TK2: variants seen among roughly 807,000 people sequenced by gnomAD.
TK2 encodes thymidine kinase 2, also known as thymidine kinase 2, mitochondrial.
TK2 carries 35 observed loss-of-function variants against 41.9 expected under a neutral mutation model. The ratio of observed to expected loss-of-function variants is 0.84; its 90% confidence interval spans 0.64 to 1.11. The LOEUF (loss-of-function observed/expected upper bound fraction) is 1.11. Ranked by LOEUF, TK2 falls within the 50% of genes least tolerant of loss-of-function variation. The probability of loss-of-function intolerance (pLI) is 0.00; values close to 1 mark genes in which losing one functional copy is unlikely to be tolerated. For synonymous variants in TK2, 128 were observed against 129.1 expected (o/e 0.99, Z 0.06); for missense variants, 320 against 351.1 (o/e 0.91, Z 0.71).
chr16:66,550,184 G>T (rs1456076257), upstream of TK2: 25 of 1,612,186 alleles, frequency 1.6e-5, no homozygotes, highest in Non-Finnish European at 2.1e-5. Context: ...AGACCCGGTC[G>T]CATTTCATCT....
At chr16:66,531,283 G>T in intron 5 of TK2, 97 bp downstream of exon 5, 1 of 1,232,056 alleles carries the variant, frequency 8.1e-7, no homozygotes, top group Non-Finnish European at 1.2e-6. Flanking sequence ...TGAAGGCCTA[G>T]CCTGGCTTCC....
In TK2 at chr16:66,508,162, A is replaced by G. The variant is rs914078149; in HGVS notation, c.*3806T>C. The G allele has an allele frequency of 1.5e-4, 23 of 152,278 alleles. No homozygotes were observed. The highest frequency in any genetic ancestry group is 5.3e-4 in the African/African-American group (22 of 41,480). 9.4% of individuals were successfully genotyped at this position (152,278 alleles called of 1,614,324 possible). On this transcript the variant is annotated 3_prime_UTR_variant, in exon 10 of 10. Coordinates refer to ENST00000544898, the MANE Select transcript of TK2 (RefSeq NM_004614.5). ...AGAAAAAAAAAGAAAAGACACAGAA[A>G]GAAATTCAAGACAGCTTCTGTGGAC...
chr16:66,525,921 A>G (rs918363166), intron 6 of TK2, among the ~76,000 whole-genome samples: 2 of 152,234 alleles, frequency 1.3e-5, no homozygotes, highest in African/African-American at 4.8e-5. Context: ...AGCTAAAAAA[A>G]TTAAAAGCTA....
intron 9 of TK2, among the ~76,000 whole-genome samples, chr16:66,513,165 G>A (rs767317788): frequency 4.6e-5 from 7 of 152,164 alleles, no homozygotes; most frequent in Non-Finnish European, 1.0e-4. Flanking sequence ...AATGCTGACG[G>A]GACAGACACA....
intron 3 of TK2, among the ~76,000 whole-genome samples, chr16:66,537,370 C>G (rs1965318770): frequency 1.3e-5 from 2 of 152,248 alleles, no homozygotes; most frequent in South Asian, 4.1e-4. Context: ...CCCTGCCTGC[C>G]TACCACATCA....
At chr16:66,547,237 C>G (rs75640506) in intron 2 of TK2, among the ~76,000 whole-genome samples, 10,256 of 152,182 alleles carry the variant, frequency 0.067, 495 homozygotes, top group South Asian at 0.16. Flanking sequence ...CTGGGCCCTG[C>G]TTTCCCACTC....
chr16:66,539,069 C>G (rs546376568), intron 3 of TK2, among the ~76,000 whole-genome samples: 72 of 152,276 alleles, frequency 4.7e-4, no homozygotes, highest in Non-Finnish European at 8.5e-4. Flanking sequence ...CAGTGTTGGG[C>G]AAATAGCAGT....
intron 4 of TK2, among the ~76,000 whole-genome samples, chr16:66,533,685 G>A (rs1965188358): frequency 2.0e-5 from 3 of 152,050 alleles, no homozygotes; most frequent in African/African-American, 4.8e-5. Context: ...CCCCCATGTG[G>A]CAGTATGTAG....
At chr16:66,546,652 T>C (rs1965617160) in intron 2 of TK2, 1 of 152,114 alleles carries the variant, frequency 6.6e-6, no homozygotes, top group Non-Finnish European at 1.5e-5. Flanking sequence ...AGTGAGTGCC[T>C]TCCCAGGTCA....
chr16:66,524,373 T>C (rs945224759), intron 6 of TK2, among the ~76,000 whole-genome samples: 4 of 152,120 alleles, frequency 2.6e-5, no homozygotes, highest in Non-Finnish European at 5.9e-5. Flanking sequence ...TCCCACTGTG[T>C]CACTTGGGCT....
At chr16:66,549,498 C>T in intron 1 of TK2, 1 of 1,037,086 alleles carries the variant, frequency 9.6e-7, no homozygotes, top group Non-Finnish European at 1.2e-6. Flanking sequence ...GTAACAGTGA[C>T]CCGTTTCTGT....
At chr16:66,531,240 C>T in intron 5 of TK2, 140 bp downstream of exon 5, 1 of 833,418 alleles carries the variant, frequency 1.2e-6, no homozygotes, top group East Asian at 2.7e-5. Context: ...AAGCCAGAGA[C>T]CTTGGCCCCA....
intron 4 of TK2, among the ~76,000 whole-genome samples, chr16:66,534,906 C>T (rs928609432): frequency 6.6e-6 from 1 of 152,180 alleles, no homozygotes; most frequent in African/African-American, 2.4e-5. Context: ...TTGTCTCAAA[C>T]TCCTGGCTTT....
intron 6 of TK2, among the ~76,000 whole-genome samples, chr16:66,526,891 C>T (rs1031286691): frequency 6.6e-6 from 1 of 152,206 alleles, no homozygotes; most frequent in Non-Finnish European, 1.5e-5. Flanking sequence ...CCTCAGGCTA[C>T]AGTTCTTTTT....
At chr16:66,548,939 C>T (rs1965692270) in intron 2 of TK2, 39 bp downstream of exon 2, 1 of 1,598,960 alleles carries the variant, frequency 6.3e-7, no homozygotes, top group Non-Finnish European at 8.6e-7. Flanking sequence ...TTCAAAAAAC[C>T]AAATTATCCT....
intron 8 of TK2, among the ~76,000 whole-genome samples, chr16:66,515,079 T>A (rs1964571675): frequency 1.3e-5 from 2 of 151,888 alleles, no homozygotes; most frequent in Admixed American, 1.3e-4. Context: ...TTTGTTCACA[T>A]GTTTATCTGC....
intron 5 of TK2, among the ~76,000 whole-genome samples, chr16:66,530,611 T>A (rs953709533): frequency 6.6e-6 from 1 of 152,162 alleles, no homozygotes; most frequent in Non-Finnish European, 1.5e-5. Context: ...AAACAAAGCA[T>A]GCATTCGAGT....
At chr16:66,544,307 A>C (rs1041604565) in intron 2 of TK2, among the ~76,000 whole-genome samples, 4 of 152,226 alleles carry the variant, frequency 2.6e-5, no homozygotes, top group Non-Finnish European at 5.9e-5. Flanking sequence ...ATGTCTAAAA[A>C]TATTATAAGA....
chr16:66,550,120 A>G lies in TK2; in HGVS notation c.-59T>C. Reference sequence around the variant, plus strand: ...CTTCTTGTGCGAGTCGGCGCGGACGACTGCTAGTCCAGCCGTTGGGCGCCG... The same window carrying G: ...CTTCTTGTGCGAGTCGGCGCGGACGGCTGCTAGTCCAGCCGTTGGGCGCCG... On this transcript the variant is annotated 5_prime_UTR_variant, in exon 1 of 10. Coordinates refer to ENST00000544898, the MANE Select transcript of TK2 (RefSeq NM_004614.5). 6.2e-7 allele frequency: 1 copy of G among 1,611,504 alleles called. No homozygotes were observed. The highest frequency in any genetic ancestry group is 1.1e-5 in the South Asian group (1 of 90,736).
Sources: gnomAD v4.1 joint callset for allele counts (sites outside exome capture counted in the v4.1 genomes callset) on GRCh38, gnomAD v4.1.1 for gene constraint, MANE v1.5 for transcripts, NCBI Gene and HGNC (gene_info 2026-07-23, HGNC 2026-07-21) for gene names.